DLGAP1: variants seen among roughly 807,000 people sequenced by gnomAD.
DLGAP1 encodes DLG associated protein 1, also known as disks large-associated protein 1.
In DLGAP1, 11 loss-of-function variants were observed where a neutral mutation model predicts 90.8. That is an observed-to-expected ratio of 0.12 (90% confidence interval 0.08 to 0.20). The LOEUF (loss-of-function observed/expected upper bound fraction) is 0.20, where lower values mean the gene tolerates loss of function less well. Ranked by LOEUF, DLGAP1 falls within the 10% of genes least tolerant of loss-of-function variation. DLGAP1 has a pLI of 1.00. For synonymous variants in DLGAP1, 558 were observed against 540.7 expected (o/e 1.03, Z -0.44); for missense variants, 1,050 against 1,333.8 (o/e 0.79, Z 3.31).
At chr18:3,892,889 T>C (rs570924945) in intron 3 of DLGAP1, among the ~76,000 whole-genome samples, 81 of 146,094 alleles carry the variant, frequency 5.5e-4, no homozygotes, top group African/African-American at 2.0e-3. Flanking sequence ...TATAAAGAAT[T>C]ATAAATATAT....
At chr18:3,671,575 C>T (rs1383482137) in intron 7 of DLGAP1, among the ~76,000 whole-genome samples, 1 of 152,160 alleles carries the variant, frequency 6.6e-6, no homozygotes, top group Non-Finnish European at 1.5e-5. Flanking sequence ...TCAACCATGC[C>T]ACAAGAGGTT....
rs8093740 is a variant in DLGAP1 at position 3,524,301 on chromosome 18, T to C, written c.2479+9893A>G. Among the ~76,000 whole-genome samples, 930 of 151,740 alleles carry C rather than the reference T, an allele frequency of 6.1e-3. 13 individuals carry two copies. Among genetic ancestry groups the C allele is most frequent in the African/African-American group, 0.022 (891 of 41,340 alleles). ...ATTAAAAAAAAAAGAAAGAAAGAAATTGTGGTATATATATACCACATATAT... is the reference window on the plus strand; with the variant it reads ...ATTAAAAAAAAAAGAAAGAAAGAAACTGTGGTATATATATACCACATATAT... On this transcript the variant is annotated intron_variant, in intron 10 of 12. Transcript: ENST00000315677.
At chr18:4,192,769 A>C (rs1180048460) in intron 1 of DLGAP1, among the ~76,000 whole-genome samples, 2 of 152,182 alleles carry the variant, frequency 1.3e-5, no homozygotes. Context: ...GGATCTGCAG[A>C]CTAGAGGTGA....
Position 3,499,096 on chromosome 18 carries a change from G to T in DLGAP1, c.*89C>A. On this transcript the variant is annotated 3_prime_UTR_variant, in exon 13 of 13. Transcript: ENST00000315677. The surrounding 1 kb of genome is among the most constrained non-coding windows in gnomAD (Gnocchi z 6.4). Reference sequence around the variant, plus strand: ...GAAGTCACCGAGCTCGGGAGCGGACGGGCTCGGAGGGGGAGAGGCAGCCGG... The same window carrying T: ...GAAGTCACCGAGCTCGGGAGCGGACTGGCTCGGAGGGGGAGAGGCAGCCGG... The T allele has an allele frequency of 8.2e-7, 1 of 1,218,858 alleles. No homozygotes were observed. The highest frequency in any genetic ancestry group is 1.6e-5 in the African/African-American group (1 of 62,362). 75.5% of individuals were successfully genotyped at this position (1,218,858 alleles called of 1,614,324 possible).
chr18:4,235,058 G>A (rs2078378866), intron 1 of DLGAP1, among the ~76,000 whole-genome samples: 1 of 151,996 alleles, frequency 6.6e-6, no homozygotes, highest in African/African-American at 2.4e-5. Context: ...GCCCAGTCAG[G>A]GTTGTTCCCT....
chr18:3,628,962 C>T (rs1426921609), intron 7 of DLGAP1, among the ~76,000 whole-genome samples: 1 of 152,090 alleles, frequency 6.6e-6, no homozygotes, highest in Non-Finnish European at 1.5e-5. Flanking sequence ...GTATTTGGCA[C>T]ACAAGTAAAA....
At chr18:4,016,016 A>G (rs2074517766) in intron 2 of DLGAP1, among the ~76,000 whole-genome samples, 1 of 152,200 alleles carries the variant, frequency 6.6e-6, no homozygotes, top group Admixed American at 6.5e-5. Context: ...GGCTTCAGAA[A>G]ATTCATTAAT....
rs531310943 is a variant in DLGAP1, at chr18:3,969,363, C to T, written c.-73+35753G>A. On this transcript the variant is annotated intron_variant, in intron 3 of 12. Transcript: ENST00000315677. ...GTGGCAGAGAAAAACAGTGAGGTCT[C>T]CTACGGTTACCACTGGTTTTTGCAA... 5.3e-5 allele frequency among the ~76,000 whole-genome samples: 8 copies of T among 152,292 alleles called. No individual in the cohort carries two copies. The East Asian group carries it at 1.2e-3, about 22-fold the overall frequency.
intron 1 of DLGAP1, among the ~76,000 whole-genome samples, chr18:4,208,749 A>G (rs2077774533): frequency 6.6e-6 from 1 of 152,022 alleles, no homozygotes; most frequent in Non-Finnish European, 1.5e-5. Flanking sequence ...AAAGAGAAAG[A>G]ACAGAGGGAG....
At chr18:3,626,170 G>C (rs2058286149) in intron 7 of DLGAP1, among the ~76,000 whole-genome samples, 1 of 152,082 alleles carries the variant, frequency 6.6e-6, no homozygotes, top group Non-Finnish European at 1.5e-5. Flanking sequence ...GCACATCCCT[G>C]TAGTGCCAGC....
chr18:3,810,952 C>T (rs28503820), intron 5 of DLGAP1, among the ~76,000 whole-genome samples: 84,759 of 151,800 alleles, frequency 0.56, 26,611 homozygotes, highest in Non-Finnish European at 0.71. Flanking sequence ...ACTACAGGTG[C>T]ACGCCGCCAC....
chr18:3,823,466 G>C (rs2067533868), intron 4 of DLGAP1, among the ~76,000 whole-genome samples: 1 of 152,134 alleles, frequency 6.6e-6, no homozygotes, highest in South Asian at 2.1e-4. Flanking sequence ...TTGAGACTTA[G>C]TGGTATTAAA....
chr18:4,248,514 A>G (rs1279383774), intron 1 of DLGAP1: 1 of 152,202 alleles, frequency 6.6e-6, no homozygotes, highest in East Asian at 1.9e-4. Context: ...AGACTGCCGA[A>G]TCTGTTCAAT....
chr18:4,241,428 C>T (rs989603634), intron 1 of DLGAP1, among the ~76,000 whole-genome samples: 15 of 152,118 alleles, frequency 9.9e-5, no homozygotes, highest in African/African-American at 3.6e-4. Context: ...CCTTTCATTT[C>T]CTGTCAGTTA....
rs1376649702 is a variant in DLGAP1 at position 3,955,622 on chromosome 18, G to A, written c.-73+49494C>T. Among the ~76,000 whole-genome samples, 18 of 151,996 alleles carry A rather than the reference G, an allele frequency of 1.2e-4. No individual in the cohort carries two copies. In the South Asian group the frequency reaches 2.3e-3, roughly 19 times the overall value. On this transcript the variant is annotated intron_variant, in intron 3 of 12. Coordinates refer to ENST00000315677, the MANE Select transcript of DLGAP1 (RefSeq NM_004746.4). ...CCAGCTACTCGGGAGGCTGAGGCAG[G>A]AGAATCACTTGAACCCAGGAGGTAG...
At chr18:4,082,530 A>G (rs2075625495) in intron 2 of DLGAP1, among the ~76,000 whole-genome samples, 2 of 149,240 alleles carry the variant, frequency 1.3e-5, no homozygotes, top group Admixed American at 6.7e-5. Flanking sequence ...AAAAAAAAAA[A>G]AAAAGAAGGG....
chr18:3,590,524 A>AAAC (rs2056173401), intron 7 of DLGAP1, among the ~76,000 whole-genome samples: 1 of 152,156 alleles, frequency 6.6e-6, no homozygotes, highest in Admixed American at 6.6e-5. Context: ...GCCCGTTTGC[A>AAAC]AACTGTGTCA....
At chr18:3,780,696 G>A (rs535228893) in intron 5 of DLGAP1, among the ~76,000 whole-genome samples, 15 of 152,202 alleles carry the variant, frequency 9.9e-5, no homozygotes, top group African/African-American at 3.4e-4. Context: ...CACAGGTTCC[G>A]GCATTAAGAT....
intron 7 of DLGAP1, among the ~76,000 whole-genome samples, chr18:3,615,948 G>C (rs1178630850): frequency 1.3e-5 from 2 of 152,112 alleles, no homozygotes; most frequent in African/African-American, 2.4e-5. Flanking sequence ...TAACTCCGAG[G>C]GATATTTAAA....
Sources: allele counts gnomAD v4.1 joint callset (sites outside exome capture counted in the v4.1 genomes callset), GRCh38; gene constraint gnomAD v4.1.1; non-coding constraint Gnocchi (gnomAD v3.1); transcripts MANE v1.5; gene names NCBI Gene and HGNC (gene_info 2026-07-23, HGNC 2026-07-21).